KPNA3: variants seen among roughly 807,000 people sequenced by gnomAD.
KPNA3 encodes importin subunit alpha-4.
Under a neutral mutation model 73.8 loss-of-function variants are expected in KPNA3, and 13 were observed. That is an observed-to-expected ratio of 0.18 (90% CI 0.11 to 0.28). KPNA3 has a LOEUF of 0.28. KPNA3 is among the 10% of genes least tolerant of loss of function. The pLI, the probability that KPNA3 is intolerant of heterozygous loss-of-function variation, is 1.00. For synonymous variants in KPNA3, 186 were observed against 206.9 expected (o/e 0.90, Z 0.87); for missense variants, 360 against 618.1 (o/e 0.58, Z 4.43).
chr13:49,777,215 GA>G (rs1252694279), intron 1 of KPNA3, among the ~76,000 whole-genome samples: 3 of 152,072 alleles, frequency 2.0e-5, no homozygotes, highest in Admixed American at 6.6e-5. Context: ...TTTGCATAAA[GA>G]AAAATAACAA....
chr13:49,709,493 A>G (rs1407711214), intron 12 of KPNA3, 79 bp downstream of exon 12: 3 of 1,205,864 alleles, frequency 2.5e-6, no homozygotes, highest in African/African-American at 3.1e-5. Flanking sequence ...AAAAACATAC[A>G]AGTAGCAATA....
At chr13:49,761,287 G>A (rs974480289) in intron 1 of KPNA3, among the ~76,000 whole-genome samples, 28 of 152,022 alleles carry the variant, frequency 1.8e-4, no homozygotes, top group Middle Eastern at 3.4e-3. Context: ...CTCTAATGGC[G>A]AGCCGAAGCT....
At position 49,702,372 on chromosome 13, in the gene KPNA3, T is replaced by G; in HGVS notation, c.1467+14A>C. The stretch of plus-strand genomic sequence containing the variant: ...ATTTACATGAAGATACACGCTATTT[T>G]AATATCTACTTACATCATCACCAGA... On this transcript the variant is annotated intron_variant, in intron 16 of 16. Coordinates refer to ENST00000261667, the MANE Select transcript of KPNA3 (RefSeq NM_002267.4). 8.0e-7 allele frequency: 1 copy of G among 1,253,190 alleles called. No homozygotes were observed. The highest frequency in any genetic ancestry group is 1.3e-5 in the South Asian group (1 of 79,224). 77.6% of individuals were successfully genotyped at this position (1,253,190 alleles called of 1,614,324 possible). A position where few individuals can be genotyped will look rare whatever the true frequency, so the allele number is the denominator to read the frequency against.
rs1954146783 is a variant in KPNA3, at chr13:49,701,441, C to T, written c.*359G>A. The T allele has an allele frequency of 2.1e-6, 1 of 475,814 alleles. No homozygotes were observed. Among genetic ancestry groups the T allele is most frequent in the Admixed American group, 2.3e-5 (1 of 42,624 alleles). The allele number at this position is 475,814 out of a possible 1,614,324, so 29.5% of individuals were successfully genotyped here. ...TACCAAAGTGTCTTGATCCACAGCG[C>T]ACCATTTTCCAAAGGAGTATCAGTG... is the stretch of plus-strand genomic sequence containing the variant. On this transcript the variant is annotated 3_prime_UTR_variant, in exon 17 of 17. Coordinates refer to ENST00000261667, the MANE Select transcript of KPNA3 (RefSeq NM_002267.4).
chr13:49,714,997 TTAATA>T (rs1954292329), intron 10 of KPNA3, among the ~76,000 whole-genome samples: 1 of 151,946 alleles, frequency 6.6e-6, no homozygotes, highest in African/African-American at 2.4e-5. Context: ...AAAAATATCA[TTAATA>T]TAAGTTTTAT....
intron 1 of KPNA3, among the ~76,000 whole-genome samples, chr13:49,761,224 G>C (rs898551822): frequency 6.6e-6 from 1 of 151,166 alleles, no homozygotes; most frequent in South Asian, 2.1e-4. Context: ...CTCTCCCCAC[G>C]GTCTCCCTCT....
chr13:49,787,095 T>G (rs976215216), intron 1 of KPNA3, among the ~76,000 whole-genome samples: 1 of 152,202 alleles, frequency 6.6e-6, no homozygotes, highest in Admixed American at 6.5e-5. Flanking sequence ...TAGTGCCACT[T>G]AGCACTGGAG....
At chr13:49,725,282 T>C (rs1020950047) in intron 7 of KPNA3, 134 bp downstream of exon 7, 3 of 458,186 alleles carry the variant, frequency 6.5e-6, no homozygotes, top group Non-Finnish European at 1.2e-5. Flanking sequence ...ATGAAAAAGA[T>C]ATCGGTCATC....
At position 49,704,750 on chromosome 13, in the gene KPNA3, T is replaced by A. The variant is rs951145811; in HGVS notation, c.1372+871A>T. ...TATGTCAAATCACAATTATTTCTCA[T>A]TAAAATTTCAAAGTAACTGCCACAG... is the stretch of plus-strand genomic sequence containing the variant. On this transcript the variant is annotated intron_variant, in intron 15 of 16. Transcript: ENST00000261667. Among the ~76,000 whole-genome samples the A allele has an allele frequency of 2.0e-5, 3 of 152,168 alleles. No individual in the cohort carries two copies. In the East Asian group the frequency reaches 5.8e-4, roughly 29 times the overall value.
intron 2 of KPNA3, 86 bp downstream of exon 2, chr13:49,746,863 C>T (rs1443260512): frequency 2.1e-6 from 2 of 952,834 alleles, no homozygotes; most frequent in Non-Finnish European, 3.3e-6. Context: ...CACTAATTTG[C>T]CACAGTATTT....
chr13:49,753,048 A>G (rs1366990221), intron 1 of KPNA3, among the ~76,000 whole-genome samples: 4 of 147,862 alleles, frequency 2.7e-5, no homozygotes, highest in African/African-American at 7.6e-5. Flanking sequence ...AAAAAAAAAA[A>G]AAAAAGAAAA....
Position 49,706,090 on chromosome 13 carries a change from A to G in KPNA3, c.1209+8T>C. 1 of 1,611,048 alleles carries G rather than the reference A, an allele frequency of 6.2e-7. No homozygotes were observed. The highest frequency in any genetic ancestry group is 8.5e-7 in the Non-Finnish European group (1 of 1,178,866). ...ACAATCATGACAGTTACAGGTTTTC[A>G]AACTCACCTGATCTTTTCTGCCACT... On this transcript the variant is annotated splice_region_variant and intron_variant, in intron 14 of 16. Coordinates refer to ENST00000261667, the MANE Select transcript of KPNA3 (RefSeq NM_002267.4).
intron 2 of KPNA3, among the ~76,000 whole-genome samples, chr13:49,736,438 G>T (rs1163778831): frequency 6.6e-6 from 1 of 152,006 alleles, no homozygotes; most frequent in Admixed American, 6.5e-5. Context: ...TTCCCTGCAG[G>T]ATCATTTAAT....
chr13:49,720,747 A>G (rs1364268008), intron 9 of KPNA3, among the ~76,000 whole-genome samples: 2 of 151,792 alleles, frequency 1.3e-5, no homozygotes, highest in Non-Finnish European at 2.9e-5. Flanking sequence ...AAAAAAAAAA[A>G]AAGAGATAAC....
chr13:49,729,316 A>G (rs1217698510), intron 6 of KPNA3, among the ~76,000 whole-genome samples: 2 of 152,180 alleles, frequency 1.3e-5, no homozygotes, highest in African/African-American at 2.4e-5. Flanking sequence ...CTGGAAGGAG[A>G]AAGTTATTAA....
chr13:49,733,282 G>GTTTTTTTTTTT (rs760449062), intron 2 of KPNA3, among the ~76,000 whole-genome samples: 2 of 100,918 alleles, frequency 2.0e-5, no homozygotes, highest in Non-Finnish European at 1.9e-5. Flanking sequence ...CCACTGTGGT[G>GTTTTTTTTTTT]TTTTTTTTTT....
intron 1 of KPNA3, among the ~76,000 whole-genome samples, chr13:49,782,089 T>G (rs1954945633): frequency 6.6e-6 from 1 of 152,212 alleles, no homozygotes; most frequent in Non-Finnish European, 1.5e-5. Flanking sequence ...TAATTTGTGT[T>G]AGCCAGAAAA....
At chr13:49,788,742 A>ATTTTT (rs1566364705) in intron 1 of KPNA3, among the ~76,000 whole-genome samples, 6 of 118,302 alleles carry the variant, frequency 5.1e-5, no homozygotes, top group Admixed American at 1.8e-4. Flanking sequence ...TTTTTTTAAA[A>ATTTTT]AAAAAAAGCA....
intron 1 of KPNA3, among the ~76,000 whole-genome samples, chr13:49,781,473 GT>G (rs1356121817): frequency 6.8e-6 from 1 of 147,712 alleles, no homozygotes; most frequent in Non-Finnish European, 1.5e-5. Flanking sequence ...ATTATTTAAG[GT>G]TATTCTTATA....
Sources: gnomAD v4.1 joint callset for allele counts (sites outside exome capture counted in the v4.1 genomes callset) on GRCh38, gnomAD v4.1.1 for gene constraint, MANE v1.5 for transcripts, NCBI Gene and HGNC (gene_info 2026-07-23, HGNC 2026-07-21) for gene names.